ZDHHC14: variants seen among roughly 807,000 people sequenced by gnomAD.
ZDHHC14 encodes zDHHC palmitoyltransferase 14.
Under a neutral mutation model 47.7 loss-of-function variants are expected in ZDHHC14, and 16 were observed. The ratio of observed to expected loss-of-function variants is 0.34; its 90% CI spans 0.23 to 0.51. ZDHHC14 has a LOEUF of 0.51. ZDHHC14 is among the 20% of genes least tolerant of loss of function. The probability of loss-of-function intolerance (pLI) is 0.97; values close to 1 mark genes in which losing one functional copy is unlikely to be tolerated. For synonymous variants in ZDHHC14, 293 were observed against 278.9 expected (o/e 1.05, Z -0.50); for missense variants, 515 against 662.5 (o/e 0.78, Z 2.44).
At chr6:157,382,739 C>T (rs987753805) in intron 1 of ZDHHC14, among the ~76,000 whole-genome samples, 2 of 152,320 alleles carry the variant, frequency 1.3e-5, no homozygotes, top group Middle Eastern at 3.4e-3. Flanking sequence ...ACTGAATCTC[C>T]CATGTAACTT....
chr6:157,568,783 A>C (rs1458539792), intron 2 of ZDHHC14, among the ~76,000 whole-genome samples: 1 of 152,210 alleles, frequency 6.6e-6, no homozygotes, highest in Non-Finnish European at 1.5e-5. Flanking sequence ...TGTTCTCAAC[A>C]ATACCAAATA....
intron 2 of ZDHHC14, among the ~76,000 whole-genome samples, chr6:157,546,890 A>G (rs1781993762): frequency 6.6e-6 from 1 of 152,164 alleles, no homozygotes; most frequent in Non-Finnish European, 1.5e-5. Flanking sequence ...TGCTGAGACT[A>G]AGGAAGTCAA....
intron 1 of ZDHHC14, among the ~76,000 whole-genome samples, chr6:157,438,497 T>C (rs1778490452): frequency 6.6e-6 from 1 of 152,226 alleles, no homozygotes; most frequent in Non-Finnish European, 1.5e-5. Flanking sequence ...TTTCATCAGC[T>C]GAAGTTCACA....
intron 1 of ZDHHC14, among the ~76,000 whole-genome samples, chr6:157,394,333 C>G (rs564596645): frequency 6.6e-6 from 1 of 152,306 alleles, no homozygotes; most frequent in South Asian, 2.1e-4. Context: ...GAATATGGGC[C>G]AGCCCACATA....
Position 157,382,084 on chromosome 6 carries a change from C to G in ZDHHC14, c.63C>G (p.Ser21Arg). ...AGTACAGCCAGATCAGCACCCACAG[C>G]TCCTCCCCCATGGAGTCGCCCCACA... The part of the protein sequence containing the change: ...DCEYSQISTH[S>R]SSPMESPHKK... The change falls in exon 1 of 9, where the codon AGC becomes AGG. Residue 21 changes from serine to arginine, a missense_variant. This residue lies in a region of ZDHHC14 where 59 missense variants were observed against 57.7 expected (regional missense o/e 1.02). Coordinates refer to ENST00000359775, the MANE Select transcript of ZDHHC14 (RefSeq NM_024630.3). The G allele has an allele frequency of 6.2e-7, 1 of 1,609,330 alleles. No individual in the cohort carries two copies. The highest frequency in any genetic ancestry group is 8.5e-7 in the Non-Finnish European group (1 of 1,178,012).
chr6:157,499,202 C>T (rs1177206222), intron 1 of ZDHHC14, among the ~76,000 whole-genome samples: 1 of 152,116 alleles, frequency 6.6e-6, no homozygotes, highest in African/African-American at 2.4e-5. Flanking sequence ...TGCTGTGGAG[C>T]TGTGTTTTAG....
chr6:157,630,714 T>TACACACCC (rs1562518056), intron 4 of ZDHHC14: 1 of 143,266 alleles, frequency 7.0e-6, no homozygotes, highest in East Asian at 2.1e-4. Flanking sequence ...CACATACCCT[T>TACACACCC]ACACACCCAC....
intron 3 of ZDHHC14, among the ~76,000 whole-genome samples, chr6:157,606,135 G>A (rs1314587294): frequency 1.3e-5 from 2 of 152,108 alleles, no homozygotes; most frequent in East Asian, 3.8e-4. Flanking sequence ...CTCAGACCGG[G>A]CATTTTCCCC....
At chr6:157,652,494 C>T (rs1777885157) in intron 7 of ZDHHC14, among the ~76,000 whole-genome samples, 1 of 152,158 alleles carries the variant, frequency 6.6e-6, no homozygotes, top group African/African-American at 2.4e-5. Context: ...CCTCCTGTTG[C>T]TCCTTACACT....
chr6:157,438,932 T>A (rs765210003), intron 1 of ZDHHC14, among the ~76,000 whole-genome samples: 15 of 152,134 alleles, frequency 9.9e-5, no homozygotes, highest in Admixed American at 1.3e-4. Flanking sequence ...CGGTAGAGAG[T>A]GCCAAGAACT....
intron 3 of ZDHHC14, among the ~76,000 whole-genome samples, chr6:157,619,539 C>T (rs1169042544): frequency 6.6e-6 from 1 of 152,194 alleles, no homozygotes; most frequent in East Asian, 1.9e-4. Context: ...TAGCCACCTG[C>T]CAGGTGGTGG....
intron 1 of ZDHHC14, among the ~76,000 whole-genome samples, chr6:157,477,111 G>A (rs757766250): frequency 3.3e-5 from 5 of 152,224 alleles, no homozygotes; most frequent in African/African-American, 9.6e-5. Context: ...GCTGGGCGCA[G>A]TGACTCATGC....
chr6:157,563,784 GA>G (rs1443183742), intron 2 of ZDHHC14, among the ~76,000 whole-genome samples: 1 of 152,232 alleles, frequency 6.6e-6, no homozygotes, highest in Non-Finnish European at 1.5e-5. Flanking sequence ...TTAGTTAGTT[GA>G]GGCTGTGGGG....
intron 1 of ZDHHC14, among the ~76,000 whole-genome samples, chr6:157,471,774 G>T (rs183733806): frequency 5.3e-5 from 8 of 152,204 alleles, no homozygotes; most frequent in African/African-American, 1.7e-4. Flanking sequence ...CAGCGTGGCC[G>T]ATGTTTTCTG....
chr6:157,544,619 C>T (rs1220266949), intron 2 of ZDHHC14, among the ~76,000 whole-genome samples: 3 of 152,152 alleles, frequency 2.0e-5, no homozygotes, highest in Admixed American at 2.0e-4. Flanking sequence ...CACTGCACTC[C>T]AGCCTGGGCA....
intron 1 of ZDHHC14, among the ~76,000 whole-genome samples, chr6:157,428,394 C>T (rs1047354932): frequency 2.0e-5 from 3 of 152,074 alleles, no homozygotes; most frequent in African/African-American, 7.2e-5. Flanking sequence ...CTAAAATTAG[C>T]CTGTGAAAAG....
At chr6:157,455,881 G>A (rs970771915) in intron 1 of ZDHHC14, among the ~76,000 whole-genome samples, 11 of 152,312 alleles carry the variant, frequency 7.2e-5, no homozygotes, top group East Asian at 1.9e-4. Flanking sequence ...GTGTCTGAGC[G>A]GCGCTCTGCC....
At chr6:157,664,042 T>C (rs1036958385) in intron 8 of ZDHHC14, among the ~76,000 whole-genome samples, 1 of 152,188 alleles carries the variant, frequency 6.6e-6, no homozygotes, top group Non-Finnish European at 1.5e-5. Flanking sequence ...GGTGACTGTG[T>C]GTAAAGTGAT....
At chr6:157,406,675 A>G (rs1190125825) in intron 1 of ZDHHC14, among the ~76,000 whole-genome samples, 1 of 152,236 alleles carries the variant, frequency 6.6e-6, no homozygotes, top group African/African-American at 2.4e-5. Flanking sequence ...AAAATAAGAC[A>G]TTTCCCTCTG....
Sources: allele counts gnomAD v4.1 joint callset (sites outside exome capture counted in the v4.1 genomes callset), GRCh38; gene constraint gnomAD v4.1.1; regional missense constraint gnomAD v4.1.1; transcripts MANE v1.5; gene names NCBI Gene and HGNC (gene_info 2026-07-23, HGNC 2026-07-21).